TTC7B: variants seen among roughly 807,000 people sequenced by gnomAD.
The protein encoded by TTC7B is tetratricopeptide repeat protein 7B.
TTC7B carries 28 observed loss-of-function variants against 106.8 expected under a neutral mutation model. The ratio of observed to expected loss-of-function variants is 0.26; its 90% CI spans 0.19 to 0.36. The LOEUF is 0.36. Among genes scored for constraint, TTC7B ranks in the 10% least tolerant of loss-of-function variants. The pLI, the probability that TTC7B is intolerant of heterozygous loss-of-function variation, is 1.00. For missense variants in TTC7B, 862 were observed against 1,076.4 expected (o/e 0.80, Z 2.79); for synonymous variants, 405 against 430.6 (o/e 0.94, Z 0.74).
chr14:90,609,826 A>G (rs1341170081), intron 17 of TTC7B, among the ~76,000 whole-genome samples: 1 of 152,178 alleles, frequency 6.6e-6, no homozygotes, highest in Non-Finnish European at 1.5e-5. Flanking sequence ...AATCATTGGT[A>G]TGGGTTGAGC....
Position 90,534,718 on chromosome 14 carries a change from A to G in TTC7B, c.*6650T>C, listed in dbSNP as rs1815108767. On this transcript the variant is annotated 3_prime_UTR_variant, in exon 20 of 20. Transcript: ENST00000328459. ...GGCCAGAGTGGCTGACCCTGCCCTG[A>G]AATTCCTTCAGTAGGGCCGGGTCAC... The G allele has an allele frequency of 6.6e-6, 1 of 152,268 alleles. No individual in the cohort carries two copies. Among genetic ancestry groups the G allele is most frequent in the African/African-American group, 2.4e-5 (1 of 41,418 alleles). 9.4% of individuals were successfully genotyped at this position (152,268 alleles called of 1,614,324 possible).
chr14:90,729,845 T>C (rs76312793), intron 5 of TTC7B, among the ~76,000 whole-genome samples: 7,790 of 152,212 alleles, frequency 0.051, 238 homozygotes, highest in Non-Finnish European at 0.061. Flanking sequence ...ACTTTTGACT[T>C]GGGTTCCCTC....
At chr14:90,625,393 G>A (rs773680280) in intron 15 of TTC7B, among the ~76,000 whole-genome samples, 85 of 152,182 alleles carry the variant, frequency 5.6e-4, no homozygotes, top group Non-Finnish European at 1.0e-3. Flanking sequence ...TGGCTGGAAG[G>A]AAACTGATCG....
At chr14:90,741,138 G>T (rs1889745858) in intron 4 of TTC7B, among the ~76,000 whole-genome samples, 1 of 152,186 alleles carries the variant, frequency 6.6e-6, no homozygotes, top group African/African-American at 2.4e-5. Flanking sequence ...GTGCTCTGCA[G>T]CCTCCCACAG....
At chr14:90,691,854 G>A (rs1328971683) in intron 6 of TTC7B, among the ~76,000 whole-genome samples, 1 of 152,042 alleles carries the variant, frequency 6.6e-6, no homozygotes, top group African/African-American at 2.4e-5. Flanking sequence ...TATCCTTTAG[G>A]CAATCACTCC....
intron 18 of TTC7B, among the ~76,000 whole-genome samples, chr14:90,589,840 A>T (rs897533818): frequency 6.6e-6 from 1 of 152,264 alleles, no homozygotes; most frequent in African/African-American, 2.4e-5. Flanking sequence ...TGCCATAATA[A>T]GCTAAATGTT....
chr14:90,633,220 T>C (rs1884776828), intron 15 of TTC7B, among the ~76,000 whole-genome samples: 1 of 152,266 alleles, frequency 6.6e-6, no homozygotes, highest in Admixed American at 6.5e-5. Context: ...AGAGGTTTGC[T>C]TTGTGGTGAC....
chr14:90,745,585 C>G (rs1889936499), intron 3 of TTC7B, among the ~76,000 whole-genome samples: 1 of 152,138 alleles, frequency 6.6e-6, no homozygotes, highest in Non-Finnish European at 1.5e-5. Flanking sequence ...GTTACATCGA[C>G]TGATCATCAA....
intron 5 of TTC7B, among the ~76,000 whole-genome samples, chr14:90,701,958 A>G (rs910041461): frequency 6.6e-6 from 1 of 152,114 alleles, no homozygotes; most frequent in Non-Finnish European, 1.5e-5. Context: ...CCCTAATGGT[A>G]TCCAAACACA....
chr14:90,744,852 G>A lies in TTC7B; in HGVS notation c.516C>T (p.Val172=). Residue 172 remains valine (V), a synonymous_variant, in exon 4 of 20, where the codon GTC becomes GTT. Transcript: ENST00000328459. ...CCCCTGCTTTCTCATAACAGGTGATGACATCCTGTTCCCGGTCCACATGGA... is the reference window on the plus strand; with the variant it reads ...CCCCTGCTTTCTCATAACAGGTGATAACATCCTGTTCCCGGTCCACATGGA... ...SNLHVDREQD[V]ITCYEKAGDI... is the part of the protein sequence containing the mutation. 6.2e-7 allele frequency: 1 copy of A among 1,613,392 alleles called. No homozygotes were observed. Among genetic ancestry groups the A allele is most frequent in the Non-Finnish European group, 8.5e-7 (1 of 1,179,336 alleles).
intron 15 of TTC7B, among the ~76,000 whole-genome samples, chr14:90,641,920 C>A (rs1397689038): frequency 7.1e-6 from 1 of 140,612 alleles, no homozygotes; most frequent in South Asian, 2.3e-4. Flanking sequence ...AATGAAAGAG[C>A]TTGTGTGTGT....
chr14:90,779,212 C>T (rs1213178690), intron 3 of TTC7B, among the ~76,000 whole-genome samples: 3 of 152,260 alleles, frequency 2.0e-5, no homozygotes, highest in Non-Finnish European at 2.9e-5. Context: ...GGAAGCCTTC[C>T]TGGCCCTGCT....
rs556159409 is a variant in TTC7B, at chr14:90,608,174, T to C, written c.1966+2568A>G. Among the ~76,000 whole-genome samples the C allele has an allele frequency of 1.1e-4, 16 of 152,230 alleles. No individual in the cohort carries two copies. Among genetic ancestry groups the C allele is most frequent in the Admixed American group, 3.3e-4 (5 of 15,288 alleles). On this transcript the variant is annotated intron_variant, in intron 17 of 19. Coordinates refer to ENST00000328459, the MANE Select transcript of TTC7B (RefSeq NM_001010854.2). The surrounding 1 kb of genome is among the most constrained non-coding windows in gnomAD (Gnocchi z 5.1). ...GAGCTGAACCATATGCAACTGGGCT[T>C]TATTAATCAAGATGGAGGCATTTTT...
At chr14:90,636,331 G>T (rs1468232888) in intron 15 of TTC7B, among the ~76,000 whole-genome samples, 2 of 150,076 alleles carry the variant, frequency 1.3e-5, no homozygotes, top group African/African-American at 4.9e-5. Flanking sequence ...ATCATAAAAG[G>T]TTGAATGTAC....
chr14:90,595,557 C>G (rs899222371), intron 17 of TTC7B, among the ~76,000 whole-genome samples: 29 of 152,114 alleles, frequency 1.9e-4, no homozygotes, highest in African/African-American at 6.5e-4. Flanking sequence ...ACTTTGATAA[C>G]AAGGACTTGA....
intron 1 of TTC7B, among the ~76,000 whole-genome samples, chr14:90,815,475 C>T (rs184978932): frequency 6.6e-6 from 1 of 152,188 alleles, no homozygotes; most frequent in Admixed American, 6.5e-5. Flanking sequence ...TCCCGACATT[C>T]TTCAACCACA....
chr14:90,615,129 C>A (rs1893017573), intron 16 of TTC7B, among the ~76,000 whole-genome samples: 1 of 152,250 alleles, frequency 6.6e-6, no homozygotes, highest in South Asian at 2.1e-4. Context: ...GCAGGTGGAA[C>A]ACTATTTGCA....
intron 5 of TTC7B, among the ~76,000 whole-genome samples, chr14:90,702,676 A>G (rs1314672567): frequency 6.6e-6 from 1 of 152,204 alleles, no homozygotes; most frequent in East Asian, 1.9e-4. Context: ...TTTGCTATTT[A>G]CTGAAAGTCT....
intron 17 of TTC7B, among the ~76,000 whole-genome samples, chr14:90,606,561 C>T (rs1892647172): frequency 6.6e-6 from 1 of 151,934 alleles, no homozygotes; most frequent in Non-Finnish European, 1.5e-5. Context: ...CAACTTATTC[C>T]AAAGAAAAGA....
Sources: gnomAD v4.1 joint callset for allele counts (sites outside exome capture counted in the v4.1 genomes callset) on GRCh38, gnomAD v4.1.1 for gene constraint, Gnocchi (gnomAD v3.1) non-coding constraint, MANE v1.5 for transcripts, NCBI Gene and HGNC (gene_info 2026-07-23, HGNC 2026-07-21) for gene names.